Variants in ZNF385D observed in about 807,000 individuals in gnomAD.
ZNF385D encodes zinc finger protein 659.
A neutral mutation model predicts 35.8 loss-of-function variants in ZNF385D; 15 were observed. The ratio of observed to expected loss-of-function variants is 0.42; its 90% CI spans 0.28 to 0.64. The LOEUF (loss-of-function observed/expected upper bound fraction) is 0.64. ZNF385D is among the 30% of genes least tolerant of loss of function. ZNF385D has a pLI of 0.23. For missense variants in ZNF385D, 474 were observed against 494.6 expected, an observed-to-expected ratio of 0.96 and a Z score of 0.39; for synonymous variants, 212 against 186.8, an observed-to-expected ratio of 1.13 and a Z score of -1.10.
At chr3:22,157,774 T>C (rs1383339311) in intron 3 of ZNF385D, among the ~76,000 whole-genome samples, 1 of 152,110 alleles carries the variant, frequency 6.6e-6, no homozygotes, top group East Asian at 1.9e-4. Flanking sequence ...CCTCTCAGGG[T>C]TGGAAAATTG....
At chr3:22,063,976 AATACAGTTGCTGTAAGCAAATATCC>A (rs1443435523) in intron 3 of ZNF385D, among the ~76,000 whole-genome samples, 1 of 152,192 alleles carries the variant, frequency 6.6e-6, no homozygotes. Flanking sequence ...AGCATGCCCC[AATACAGTTGCTGTAAGCAAATATCC>A]ATCTCAGAAT....
At chr3:22,372,124 C>G (rs886110977) in intron 2 of ZNF385D, among the ~76,000 whole-genome samples, 7 of 152,108 alleles carry the variant, frequency 4.6e-5, no homozygotes, top group African/African-American at 1.7e-4. Flanking sequence ...ACCTCGCCCC[C>G]CCGCCTCGGC....
At chr3:21,768,408 C>T (rs950090730) in intron 3 of ZNF385D, among the ~76,000 whole-genome samples, 1 of 151,982 alleles carries the variant, frequency 6.6e-6, no homozygotes. Flanking sequence ...TCTTTCCCCA[C>T]CTAGACAACA....
intron 2 of ZNF385D, among the ~76,000 whole-genome samples, chr3:22,220,764 A>G (rs144625693): frequency 1.1e-4 from 16 of 152,036 alleles, no homozygotes; most frequent in Admixed American, 2.6e-4. Context: ...TTTCAACACA[A>G]TCTACCACTA....
At chr3:21,537,977 T>C (rs989735874) in intron 3 of ZNF385D, among the ~76,000 whole-genome samples, 8 of 151,974 alleles carry the variant, frequency 5.3e-5, no homozygotes, top group African/African-American at 1.9e-4. Flanking sequence ...AGGGGTGGCA[T>C]GAAGATGGTG....
chr3:21,492,743 C>A (rs1474291219), intron 4 of ZNF385D, among the ~76,000 whole-genome samples: 1 of 150,806 alleles, frequency 6.6e-6, no homozygotes, highest in Non-Finnish European at 1.5e-5. Context: ...AACATCGTGC[C>A]ACTGCACTCC....
chr3:22,086,448 A>G (rs1332025447), intron 3 of ZNF385D, among the ~76,000 whole-genome samples: 19 of 151,048 alleles, frequency 1.3e-4, no homozygotes, highest in African/African-American at 1.7e-4. Context: ...TCCCATTCAC[A>G]ATTGCTTCAA....
At chr3:22,017,002 G>C (rs1696929651) in intron 3 of ZNF385D, among the ~76,000 whole-genome samples, 1 of 151,542 alleles carries the variant, frequency 6.6e-6, no homozygotes, top group Non-Finnish European at 1.5e-5. Context: ...GGCTTAATTG[G>C]AATAATAGTT....
At chr3:22,085,842 A>C (rs2125591744) in intron 3 of ZNF385D, among the ~76,000 whole-genome samples, 1 of 152,320 alleles carries the variant, frequency 6.6e-6, no homozygotes, top group Middle Eastern at 3.4e-3. Context: ...AGCACATCAA[A>C]AAGATTATCC....
chr3:21,750,551 C>T, intron 1 of ZNF385D, among the ~76,000 whole-genome samples: 1 of 152,116 alleles, frequency 6.6e-6, no homozygotes, highest in Non-Finnish European at 1.5e-5. Context: ...TTTCACATTC[C>T]ATTAAGTTAG....
chr3:21,863,846 A>T (rs928849376), intron 3 of ZNF385D, among the ~76,000 whole-genome samples: 2 of 152,164 alleles, frequency 1.3e-5, no homozygotes, highest in African/African-American at 4.8e-5. Flanking sequence ...GGCCAATGCC[A>T]ACCCAGGCCT....
chr3:22,193,187 A>ACTTTATTTG (rs1696175860), intron 2 of ZNF385D, among the ~76,000 whole-genome samples: 2 of 152,286 alleles, frequency 1.3e-5, no homozygotes, highest in South Asian at 4.1e-4. Flanking sequence ...TTGAGGAAGT[A>ACTTTATTTG]CTTTATTTGA....
rs1185985541 is a variant in ZNF385D at position 21,983,253 on chromosome 3, C to T, written c.325+185564G>A. ...TATGTATACATGTGCCATGCTGGTG[C>T]GCTGCACCCACTAACTCGTCATCTA... On this transcript the variant is annotated intron_variant, in intron 3 of 5. Transcript: ENST00000494108. 1.4e-4 allele frequency among the ~76,000 whole-genome samples: 20 copies of T among 141,914 alleles called. No individual in the cohort carries two copies. In the South Asian group the frequency reaches 2.1e-3, roughly 15 times the overall value. 93.1% of individuals were successfully genotyped at this position (141,914 alleles called of 152,430 possible).
intron 3 of ZNF385D, among the ~76,000 whole-genome samples, chr3:22,150,913 G>C (rs578244171): frequency 1.0e-3 from 158 of 152,174 alleles, no homozygotes; most frequent in Admixed American, 4.7e-3. Context: ...ATGTCATAAC[G>C]GACTAGAGAG....
intron 3 of ZNF385D, among the ~76,000 whole-genome samples, chr3:21,984,349 G>T (rs1694684425): frequency 7.8e-6 from 1 of 127,718 alleles, no homozygotes; most frequent in South Asian, 2.7e-4. Context: ...TGTATAAGGT[G>T]TAAGGAAGGG....
chr3:21,694,765 C>A (rs1321482069), intron 1 of ZNF385D, among the ~76,000 whole-genome samples: 1 of 152,132 alleles, frequency 6.6e-6, no homozygotes, highest in African/African-American at 2.4e-5. Context: ...ATTAAGCAAC[C>A]TCATGACTCC....
At chr3:22,074,947 T>C (rs981246814) in intron 3 of ZNF385D, among the ~76,000 whole-genome samples, 2 of 151,866 alleles carry the variant, frequency 1.3e-5, no homozygotes, top group Non-Finnish European at 1.5e-5. Flanking sequence ...TCAGAAATGA[T>C]GGTGAGAAAA....
At chr3:21,687,859 C>T (rs9825989) in intron 1 of ZNF385D, among the ~76,000 whole-genome samples, 21,701 of 151,884 alleles carry the variant, frequency 0.14, 1,833 homozygotes, top group African/African-American at 0.22. Context: ...TTAATAAAGC[C>T]ATATGGTTAT....
At chr3:22,328,107 A>T (rs186303951) in intron 2 of ZNF385D, among the ~76,000 whole-genome samples, 1 of 152,188 alleles carries the variant, frequency 6.6e-6, no homozygotes, top group Admixed American at 6.5e-5. Flanking sequence ...TCTGACTTTT[A>T]ATCAGATTAC....
Sources: allele counts gnomAD v4.1 joint callset (sites outside exome capture counted in the v4.1 genomes callset), GRCh38; gene constraint gnomAD v4.1.1; transcripts MANE v1.5; gene names NCBI Gene and HGNC (gene_info 2026-07-23, HGNC 2026-07-21).